Variants in SAMD10 observed in about 807,000 individuals in gnomAD.
SAMD10 encodes the protein sterile alpha motif domain containing 10.
SAMD10 carries 16 observed loss-of-function variants against 22.5 expected under a neutral mutation model. The ratio of observed to expected loss-of-function variants is 0.71; its 90% CI spans 0.48 to 1.08. The LOEUF (loss-of-function observed/expected upper bound fraction) is 1.08, where lower values mean the gene tolerates loss of function less well. Among genes scored for constraint, SAMD10 ranks in the 50% least tolerant of loss-of-function variants. The probability of loss-of-function intolerance (pLI) is 0.00; values close to 1 mark genes in which losing one functional copy is unlikely to be tolerated. For synonymous variants in SAMD10, 118 were observed against 122.2 expected, an observed-to-expected ratio of 0.97 and a Z score of 0.23; for missense variants, 227 against 281.3, an observed-to-expected ratio of 0.81 and a Z score of 1.38.
At position 63,976,955 on chromosome 20, in the gene SAMD10, C is replaced by T. The variant is rs770356384; in HGVS notation, c.445+16G>A. 3 of 1,613,472 alleles carry T rather than the reference C, an allele frequency of 1.9e-6. No homozygotes were observed. Among genetic ancestry groups the T allele is most frequent in the Non-Finnish European group, 1.7e-6 (2 of 1,179,614 alleles). On this transcript the variant is annotated intron_variant, in intron 3 of 4. Coordinates refer to ENST00000369886, the MANE Select transcript of SAMD10 (RefSeq NM_080621.5). ...AGGTTAGCCCCACTCCCACAGCACC[C>T]TCAGCGCCACTGTACCGGTGATGGC...
In SAMD10 at chr20:63,977,194, A is replaced by G. The variant is rs2059030382; in HGVS notation, c.273+31T>C. The G allele has an allele frequency of 2.5e-6, 3 of 1,199,872 alleles. No individual in the cohort carries two copies. The highest frequency in any genetic ancestry group is 3.5e-6 in the Non-Finnish European group (3 of 862,210). The allele number at this position is 1,199,872 out of a possible 1,614,324, so 74.3% of individuals were successfully genotyped here. On this transcript the variant is annotated intron_variant, in intron 2 of 4. Coordinates refer to ENST00000369886, the MANE Select transcript of SAMD10 (RefSeq NM_080621.5). This position sits in a 1 kb window ranked among gnomAD's most constrained non-coding sequence, Gnocchi z 5.4. ...AGTGAGAGTGGTGGAGAAGGAGGGC[A>G]GGGACGGAGGTGGGTGGAGTGGGTG... is the stretch of plus-strand genomic sequence containing the variant.
Position 63,979,111 on chromosome 20 carries a change from C to A in SAMD10, c.91+266G>T, listed in dbSNP as rs2059044715. On this transcript the variant is annotated intron_variant, in intron 1 of 4. Coordinates refer to ENST00000369886, the MANE Select transcript of SAMD10 (RefSeq NM_080621.5). The surrounding 1 kb of genome is among the most constrained non-coding windows in gnomAD (Gnocchi z 7.7). ...TTTCCCCGTGCGCAGGAAAAGGTGA[C>A]CCGAGCGTAGTGCCAGCCTGGACAC... Among the ~76,000 whole-genome samples the A allele has an allele frequency of 6.6e-6, 1 of 152,170 alleles. No individual in the cohort carries two copies. Among genetic ancestry groups the A allele is most frequent in the East Asian group, 1.9e-4 (1 of 5,182 alleles).
chr20:63,977,341 AG>A lies in SAMD10; in HGVS notation c.156del (p.Cys53AlafsTer59). The A allele has an allele frequency of 6.2e-7, 1 of 1,613,488 alleles. No homozygotes were observed. The highest frequency in any genetic ancestry group is 8.5e-7 in the Non-Finnish European group (1 of 1,180,014). On this transcript the variant is annotated frameshift_variant, in exon 2 of 5. Coordinates refer to ENST00000369886, the MANE Select transcript of SAMD10 (RefSeq NM_080621.5). LOFTEE classifies it high-confidence loss of function. This position sits in a 1 kb window ranked among gnomAD's most constrained non-coding sequence, Gnocchi z 5.4. ...LEHTVSAESI[P>X]CHLPRTPGTS... is the part of the protein sequence containing the mutation. ...GTGCCAGGTGTCCGAGGCAAGTGGC[AG>A]GGGATGCTCTCAGCTGACACCGTGT...
In SAMD10 at chr20:63,979,297, G is replaced by T. The variant is rs1440624120; in HGVS notation, c.91+80C>A. ...GCCACCGCCGCTCGAAGCCCGCCGG[G>T]TCCCGCCCCGCCCCCGTGCCTCTGG... On this transcript the variant is annotated intron_variant, in intron 1 of 4. Coordinates refer to ENST00000369886, the MANE Select transcript of SAMD10 (RefSeq NM_080621.5). This position sits in a 1 kb window ranked among gnomAD's most constrained non-coding sequence, Gnocchi z 7.7. The T allele has an allele frequency of 9.2e-7, 1 of 1,084,054 alleles. No individual in the cohort carries two copies. Among genetic ancestry groups the T allele is most frequent in the Non-Finnish European group, 1.2e-6 (1 of 808,716 alleles). The allele number at this position is 1,084,054 out of a possible 1,614,324, so 67.2% of individuals were successfully genotyped here. A position where few individuals can be genotyped will look rare whatever the true frequency, so the allele number is the denominator to read the frequency against.
intron 1 of SAMD10, chr20:63,978,459 G>A: frequency 2.4e-6 from 1 of 409,944 alleles, no homozygotes; most frequent in Non-Finnish European, 4.6e-6. Context: ...CCACGCTAGG[G>A]CCCTCATCCC....
rs79813055 is a variant in SAMD10 at position 63,977,530 on chromosome 20, G to A, written c.92-124C>T. The A allele has an allele frequency of 3.0e-3, 2,963 of 984,684 alleles. 64 individuals are homozygous for A. The African/African-American group carries it at 0.043, about 14-fold the overall frequency. The allele number at this position is 984,684 out of a possible 1,614,324, so 61.0% of individuals were successfully genotyped here. ...CGGGAAATCACCTCCCCAATGAGGGGTTCCCAAGCCTCCAAAGGCAGAAGG... is the reference window on the plus strand; with the variant it reads ...CGGGAAATCACCTCCCCAATGAGGGATTCCCAAGCCTCCAAAGGCAGAAGG... On this transcript the variant is annotated intron_variant, in intron 1 of 4. Transcript: ENST00000369886. This position sits in a 1 kb window ranked among gnomAD's most constrained non-coding sequence, Gnocchi z 5.4.
chr20:63,977,512 T>C lies in SAMD10; in HGVS notation c.92-106A>G. 1 of 1,183,354 alleles carries C rather than the reference T, an allele frequency of 8.5e-7. No homozygotes were observed. Among genetic ancestry groups the C allele is most frequent in the Non-Finnish European group, 1.2e-6 (1 of 833,392 alleles). The allele number at this position is 1,183,354 out of a possible 1,614,324, so 73.3% of individuals were successfully genotyped here. On this transcript the variant is annotated intron_variant, in intron 1 of 4. Coordinates refer to ENST00000369886, the MANE Select transcript of SAMD10 (RefSeq NM_080621.5). This position sits in a 1 kb window ranked among gnomAD's most constrained non-coding sequence, Gnocchi z 5.4. Reference sequence around the variant, plus strand: ...ATCTCCTCCACACTAGTGCGGGAAATCACCTCCCCAATGAGGGGTTCCCAA... The same window carrying C: ...ATCTCCTCCACACTAGTGCGGGAAACCACCTCCCCAATGAGGGGTTCCCAA...
rs747133237 is a variant in SAMD10 at position 63,977,580 on chromosome 20, A to C, written c.92-174T>G. Among the ~76,000 whole-genome samples the C allele has an allele frequency of 6.6e-6, 1 of 152,118 alleles. No individual in the cohort carries two copies. Among genetic ancestry groups the C allele is most frequent in the Non-Finnish European group, 1.5e-5 (1 of 68,006 alleles). ...GAAGTGTGCAGGACCTGTTTCGAGG[A>C]CCTCACCCAGCACAAAAAGAGAAGA... On this transcript the variant is annotated intron_variant, in intron 1 of 4. Transcript: ENST00000369886. This position sits in a 1 kb window ranked among gnomAD's most constrained non-coding sequence, Gnocchi z 5.4.
intron 3 of SAMD10, among the ~76,000 whole-genome samples, chr20:63,976,583 T>A (rs1388431509): frequency 6.6e-6 from 1 of 150,972 alleles, no homozygotes; most frequent in East Asian, 2.0e-4. Flanking sequence ...GGCAACACAG[T>A]GAAACCCTGT....
chr20:63,975,267 C>G lies in SAMD10; in HGVS notation c.*243G>C. 1 of 539,624 alleles carries G rather than the reference C, an allele frequency of 1.9e-6. No individual in the cohort carries two copies. Among genetic ancestry groups the G allele is most frequent in the South Asian group, 2.4e-5 (1 of 42,060 alleles). The allele number at this position is 539,624 out of a possible 1,614,324, so 33.4% of individuals were successfully genotyped here. On this transcript the variant is annotated 3_prime_UTR_variant, in exon 5 of 5. Coordinates refer to ENST00000369886, the MANE Select transcript of SAMD10 (RefSeq NM_080621.5). Reference sequence around the variant, plus strand: ...GCTGCACCAGGGGAGGGCTTGGGCTCAGGTCCCAGGAGGTGGGGCCACACT... The same window carrying G: ...GCTGCACCAGGGGAGGGCTTGGGCTGAGGTCCCAGGAGGTGGGGCCACACT...
chr20:63,976,875 G>A (rs1429847169), intron 3 of SAMD10, 96 bp downstream of exon 3: 26 of 1,255,304 alleles, frequency 2.1e-5, no homozygotes, highest in Admixed American at 1.2e-4. Flanking sequence ...CTAGACAGAC[G>A]AAAACAACAG....
At chr20:63,976,573 G>A (rs2059023697) in intron 3 of SAMD10, among the ~76,000 whole-genome samples, 1 of 151,416 alleles carries the variant, frequency 6.6e-6, no homozygotes, top group African/African-American at 2.4e-5. Flanking sequence ...GATCATCCTG[G>A]GCAACACAGT....
chr20:63,976,922 T>G, intron 3 of SAMD10, 49 bp downstream of exon 3: 1 of 1,593,540 alleles, frequency 6.3e-7, no homozygotes, highest in South Asian at 1.1e-5. Context: ...GAAGAGACGC[T>G]CTGAGGCAGG....
chr20:63,975,759 C>G lies in SAMD10; in HGVS notation c.519G>C (p.Glu173Asp). ...MGLAQEAQRQ[E>D]VLQQVLRLQV... ...GCAGGCGGAGCACCTGCTGCAGCAC[C>G]TCCTGCCTCTGGGCCTCCTGGGCCA... The change falls in exon 4 of 5, where the codon GAG becomes GAC. Residue 173 changes from glutamate to aspartate, a missense_variant. Transcript: ENST00000369886. 1 of 1,604,712 alleles carries G rather than the reference C, an allele frequency of 6.2e-7. No individual in the cohort carries two copies. Among genetic ancestry groups the G allele is most frequent in the Non-Finnish European group, 8.5e-7 (1 of 1,179,382 alleles).
At chr20:63,976,939 C>T in intron 3 of SAMD10, 32 bp downstream of exon 3, 1 of 1,611,192 alleles carries the variant, frequency 6.2e-7, no homozygotes, top group Non-Finnish European at 8.5e-7. Context: ...CAGGTTAGCC[C>T]CACTCCCACA....
In SAMD10 at chr20:63,975,814, A is replaced by G; in HGVS notation, c.464T>C (p.Leu155Pro). ...CATCCGCTGCAGCTTCTCCGCATTC[A>G]GCCGCAGCAGTGCCCGGCCTGGGGA... The part of the protein sequence containing the change: ...HAITGRALLR[L>P]NAEKLQRMGL... Residue 155 changes from leucine to proline, a missense_variant, in exon 4 of 5, where the codon CTG (leucine) becomes CCG (proline). Coordinates refer to ENST00000369886, the MANE Select transcript of SAMD10 (RefSeq NM_080621.5). 2 of 1,601,028 alleles carry G rather than the reference A, an allele frequency of 1.2e-6. No individual in the cohort carries two copies. The highest frequency in any genetic ancestry group is 1.7e-6 in the Non-Finnish European group (2 of 1,177,686).
At chr20:63,980,127 G>A (rs960972496), upstream of SAMD10, 2 of 152,722 alleles carry the variant, frequency 1.3e-5, no homozygotes, top group African/African-American at 2.4e-5. Context: ...ACTCCAAGGA[G>A]GCTGTAGCAG....
intron 3 of SAMD10, among the ~76,000 whole-genome samples, 196 bp downstream of exon 3, chr20:63,976,764 CAAAAAAAAAAA>C (rs60461303): frequency 6.3e-5 from 4 of 63,896 alleles, no homozygotes; most frequent in African/African-American, 6.7e-5. Flanking sequence ...TCTGTCTCAC[CAAAAAAAAAAA>C]AAAAAAAAAA....
Position 63,979,289 on chromosome 20 carries a change from C to A in SAMD10, c.91+88G>T. On this transcript the variant is annotated intron_variant, in intron 1 of 4. Coordinates refer to ENST00000369886, the MANE Select transcript of SAMD10 (RefSeq NM_080621.5). The surrounding 1 kb of genome is among the most constrained non-coding windows in gnomAD (Gnocchi z 7.7). ...TACCCCCAGCCACCGCCGCTCGAAG[C>A]CCGCCGGGTCCCGCCCCGCCCCCGT... is the stretch of plus-strand genomic sequence containing the variant. The A allele has an allele frequency of 9.8e-7, 1 of 1,016,594 alleles. No homozygotes were observed. The highest frequency in any genetic ancestry group is 4.0e-5 in the Admixed American group (1 of 25,266). The allele number at this position is 1,016,594 out of a possible 1,614,324, so 63.0% of individuals were successfully genotyped here.
Sources: allele counts gnomAD v4.1 joint callset (sites outside exome capture counted in the v4.1 genomes callset), GRCh38; gene constraint gnomAD v4.1.1; non-coding constraint Gnocchi (gnomAD v3.1); transcripts MANE v1.5; gene names NCBI Gene and HGNC (gene_info 2026-07-23, HGNC 2026-07-21).